CRIM1: variants seen among roughly 807,000 people sequenced by gnomAD.
CRIM1 encodes the protein cysteine-rich motor neuron 1 protein.
In CRIM1, 32 loss-of-function variants were observed where a neutral mutation model predicts 116.4. The ratio of observed to expected loss-of-function variants is 0.27; its 90% CI spans 0.21 to 0.37. The LOEUF (loss-of-function observed/expected upper bound fraction) is 0.37, where lower values mean the gene tolerates loss of function less well. Ranked by LOEUF, CRIM1 falls within the 10% of genes least tolerant of loss-of-function variation. The pLI, the probability that CRIM1 is intolerant of heterozygous loss-of-function variation, is 1.00. For missense variants in CRIM1, 1,331 were observed against 1,354.8 expected (o/e 0.98, Z 0.28); for synonymous variants, 590 against 509.2 (o/e 1.16, Z -2.13).
chr2:36,411,096 A>G (rs912170665), intron 2 of CRIM1, among the ~76,000 whole-genome samples: 2 of 152,222 alleles, frequency 1.3e-5, no homozygotes, highest in African/African-American at 2.4e-5. Context: ...TGTGGTACTA[A>G]AAAGAAAATA....
At chr2:36,451,350 A>C (rs895715938) in intron 4 of CRIM1, among the ~76,000 whole-genome samples, 1 of 152,228 alleles carries the variant, frequency 6.6e-6, no homozygotes, top group Non-Finnish European at 1.5e-5. Context: ...ATTAATAGAC[A>C]GTCTTTCTAC....
In CRIM1 at chr2:36,547,120, T is replaced by C; in HGVS notation, c.2883T>C (p.Asn961=). ...TTATAATAGCATTCCTATTCATCAA[T>C]CAGAAGAAACAGTGGATACCACTGC... ...LSIIIAFLFI[N]QKKQWIPLLC... The change falls in exon 16 of 17, where the codon AAT becomes AAC. Residue 961 remains asparagine (N), a synonymous_variant. Transcript: ENST00000280527. 1 of 1,613,410 alleles carries C rather than the reference T, an allele frequency of 6.2e-7. No homozygotes were observed. Among genetic ancestry groups the C allele is most frequent in the Non-Finnish European group, 8.5e-7 (1 of 1,179,500 alleles).
intron 4 of CRIM1, among the ~76,000 whole-genome samples, chr2:36,451,742 A>G (rs1214177044): frequency 6.6e-6 from 1 of 152,192 alleles, no homozygotes; most frequent in African/African-American, 2.4e-5. Context: ...GGATCACGCA[A>G]GAGTCAGAGG....
Position 36,510,013 on chromosome 2 carries a change from G to T in CRIM1, c.1532G>T (p.Gly511Val). 6.2e-7 allele frequency: 1 copy of T among 1,614,106 alleles called. No individual in the cohort carries two copies. The highest frequency in any genetic ancestry group is 8.5e-7 in the Non-Finnish European group (1 of 1,180,006). The change falls in exon 9 of 17, where the codon GGC (glycine) becomes GTC (valine). Residue 511 changes from glycine to valine, a missense_variant. Around this residue, in one of 3 missense-constraint regions of CRIM1, gnomAD observed 358 missense variants for 436.1 expected, o/e 0.82. Coordinates refer to ENST00000280527, the MANE Select transcript of CRIM1 (RefSeq NM_016441.3). ...GAACTATGTTCAGAACGTAAACAAG[G>T]CTGCACCTTGAACTGTCCCTTCGGT... The part of the protein sequence containing the change: ...TEELCSERKQ[G>V]CTLNCPFGFL...
At chr2:36,538,274 C>T (rs1158915139) in intron 14 of CRIM1, among the ~76,000 whole-genome samples, 1 of 152,166 alleles carries the variant, frequency 6.6e-6, no homozygotes, top group Admixed American at 6.5e-5. Flanking sequence ...CAAACAATTC[C>T]TCTTTCCCCT....
At chr2:36,465,515 G>A (rs941838484) in intron 5 of CRIM1, among the ~76,000 whole-genome samples, 1 of 152,240 alleles carries the variant, frequency 6.6e-6, no homozygotes, top group Non-Finnish European at 1.5e-5. Context: ...AATACTTCCT[G>A]TAGGAATTCA....
chr2:36,508,261 C>T (rs1681568810), intron 8 of CRIM1, among the ~76,000 whole-genome samples: 1 of 152,146 alleles, frequency 6.6e-6, no homozygotes. Flanking sequence ...TAGAAAATTA[C>T]ACCATAAATC....
At chr2:36,446,524 T>C (rs1275609382) in intron 4 of CRIM1, among the ~76,000 whole-genome samples, 1 of 152,232 alleles carries the variant, frequency 6.6e-6, no homozygotes, top group East Asian at 1.9e-4. Context: ...CTTTCTGTCT[T>C]GTTTAATGGC....
At chr2:36,385,515 A>G (rs1671108380) in intron 1 of CRIM1, among the ~76,000 whole-genome samples, 1 of 152,086 alleles carries the variant, frequency 6.6e-6, no homozygotes, top group Non-Finnish European at 1.5e-5. Flanking sequence ...TTCAGTTCTG[A>G]TGGCTCTGCA....
intron 4 of CRIM1, among the ~76,000 whole-genome samples, chr2:36,453,071 A>G (rs1459515675): frequency 6.6e-6 from 1 of 152,234 alleles, no homozygotes; most frequent in South Asian, 2.1e-4. Context: ...TGTAATGAAA[A>G]TACCAAAAGC....
intron 1 of CRIM1, among the ~76,000 whole-genome samples, chr2:36,358,019 A>C (rs1558494363): frequency 6.6e-6 from 1 of 152,162 alleles, no homozygotes; most frequent in Non-Finnish European, 1.5e-5. Context: ...CAGTTCAGGA[A>C]AATAGGGGAG....
At chr2:36,536,131 A>G (rs1004106301) in intron 13 of CRIM1, among the ~76,000 whole-genome samples, 1 of 152,216 alleles carries the variant, frequency 6.6e-6, no homozygotes, top group African/African-American at 2.4e-5. Flanking sequence ...GTCTTCATAG[A>G]GAGGCACTTC....
Position 36,548,595 on chromosome 2 carries a change from C to T in CRIM1, c.3005C>T (p.Ser1002Phe). ...GGAACCAGAGTCCAGGTGGACAGTT[C>T]CCAGAGAATGCTAAGAATTGCAGAA... ...KKGTRVQVDSSQRMLRIAEPD... is the reference protein window; with the variant it reads ...KKGTRVQVDSFQRMLRIAEPD... Residue 1002 changes from serine to phenylalanine, a missense_variant, in exon 17 of 17, where the codon TCC (serine) becomes TTC (phenylalanine). By Grantham distance (155) the Ser-to-Phe change is radical (BLOSUM62 -2). Transcript: ENST00000280527. 6.2e-7 allele frequency: 1 copy of T among 1,612,526 alleles called. No homozygotes were observed. Among genetic ancestry groups the T allele is most frequent in the Non-Finnish European group, 8.5e-7 (1 of 1,179,342 alleles).
intron 4 of CRIM1, among the ~76,000 whole-genome samples, chr2:36,451,322 C>T (rs914101930): frequency 6.6e-6 from 1 of 152,060 alleles, no homozygotes; most frequent in Non-Finnish European, 1.5e-5. Flanking sequence ...CAGTCATCTG[C>T]CCTCAAGGAA....
chr2:36,510,142 A>G lies in CRIM1; in HGVS notation c.1658+3A>G. ...AAGTATTGTCCACTTGGATTGCTGTACGTATTTGTTAATTCAGAAAAGCTA... is the reference window on the plus strand; with the variant it reads ...AAGTATTGTCCACTTGGATTGCTGTGCGTATTTGTTAATTCAGAAAAGCTA... On this transcript the variant is annotated splice_donor_region_variant and intron_variant, in intron 9 of 16. Transcript: ENST00000280527. 1 of 1,609,968 alleles carries G rather than the reference A, an allele frequency of 6.2e-7. No homozygotes were observed. The highest frequency in any genetic ancestry group is 8.5e-7 in the Non-Finnish European group (1 of 1,178,374).
chr2:36,525,198 C>G (rs951764782), intron 13 of CRIM1, among the ~76,000 whole-genome samples: 1 of 152,182 alleles, frequency 6.6e-6, no homozygotes, highest in Non-Finnish European at 1.5e-5. Context: ...TCATTAAGCC[C>G]TCTTCTGTCT....
chr2:36,385,455 C>G (rs867675585), intron 1 of CRIM1, among the ~76,000 whole-genome samples: 1 of 152,126 alleles, frequency 6.6e-6, no homozygotes, highest in African/African-American at 2.4e-5. Context: ...AAGAACCTCT[C>G]GTTTTCCTCG....
chr2:36,497,658 T>C (rs1680694559), intron 7 of CRIM1, among the ~76,000 whole-genome samples: 2 of 152,204 alleles, frequency 1.3e-5, no homozygotes, highest in Non-Finnish European at 2.9e-5. Flanking sequence ...TATAAAAATT[T>C]TAGTAAGATG....
intron 1 of CRIM1, among the ~76,000 whole-genome samples, chr2:36,383,864 A>C (rs373640769): frequency 6.6e-6 from 1 of 152,236 alleles, no homozygotes; most frequent in South Asian, 2.1e-4. Flanking sequence ...GTGAACATGC[A>C]TAGTATACTC....
Sources: gnomAD v4.1 joint callset for allele counts (sites outside exome capture counted in the v4.1 genomes callset) on GRCh38, gnomAD v4.1.1 for gene constraint, gnomAD v4.1.1 regional missense constraint, MANE v1.5 for transcripts, NCBI Gene and HGNC (gene_info 2026-07-23, HGNC 2026-07-21) for gene names.